The following UNC13C variants were observed in gnomAD, a reference collection of about 807,000 sequenced individuals.
UNC13C encodes the protein protein unc-13 homolog C.
UNC13C carries 174 observed loss-of-function variants against 245.4 expected under a neutral mutation model. The ratio of observed to expected loss-of-function variants is 0.71; its 90% CI spans 0.63 to 0.80. The LOEUF is 0.80. Ranked by LOEUF, UNC13C falls within the 30% of genes least tolerant of loss-of-function variation. The pLI is 0.00. For synonymous variants in UNC13C, 992 were observed against 895.1 expected (o/e 1.11, Z -1.93); for missense variants, 2,829 against 2,602.9 (o/e 1.09, Z -1.89).
intron 1 of UNC13C, among the ~76,000 whole-genome samples, chr15:54,002,925 G>A (rs1484093098): frequency 2.0e-5 from 3 of 152,176 alleles, no homozygotes; most frequent in African/African-American, 7.2e-5. Flanking sequence ...TAGTGAAGTC[G>A]GGGTAGGAGG....
intron 23 of UNC13C, 112 bp from the exon 24 acceptor site, chr15:54,511,641 C>A (rs1894744021): frequency 8.5e-6 from 6 of 704,426 alleles, no homozygotes; most frequent in Non-Finnish European, 1.2e-5. Flanking sequence ...GTATATACAT[C>A]TAATATAATA....
the UNC13C span, among the ~76,000 whole-genome samples, chr15:53,936,863 A>G: frequency 6.6e-6 from 1 of 152,168 alleles, no homozygotes; most frequent in Non-Finnish European, 1.5e-5. Context: ...AGTCCCCCCA[A>G]AAACCCATTC....
chr15:54,390,010 T>C (rs28736595), intron 17 of UNC13C, among the ~76,000 whole-genome samples: 74,058 of 151,942 alleles, frequency 0.49, 18,615 homozygotes, highest in East Asian at 0.72. Flanking sequence ...ATTACAGGCA[T>C]GAGCCACTGC....
chr15:54,040,053 C>G (rs966984382), intron 2 of UNC13C, among the ~76,000 whole-genome samples: 2 of 152,076 alleles, frequency 1.3e-5, no homozygotes, highest in African/African-American at 2.4e-5. Flanking sequence ...CCTTTACGCT[C>G]TTTCCTCATT....
chr15:54,359,139 C>T (rs918560483), intron 17 of UNC13C, among the ~76,000 whole-genome samples: 1 of 151,748 alleles, frequency 6.6e-6, no homozygotes, highest in African/African-American at 2.4e-5. Flanking sequence ...TATTGATTTG[C>T]ATGTGTTGAA....
chr15:54,426,045 T>A (rs2040752772), intron 19 of UNC13C, among the ~76,000 whole-genome samples: 1 of 151,678 alleles, frequency 6.6e-6, no homozygotes, highest in Non-Finnish European at 1.5e-5. Flanking sequence ...CTCTCCTGCC[T>A]CCCTCTTCCA....
chr15:54,508,266 A>G (rs1282553471), intron 23 of UNC13C, among the ~76,000 whole-genome samples: 1 of 152,072 alleles, frequency 6.6e-6, no homozygotes, highest in African/African-American at 2.4e-5. Flanking sequence ...TAATTTCACA[A>G]AAGGATCCTG....
At chr15:54,578,049 A>G (rs919058178) in intron 30 of UNC13C, among the ~76,000 whole-genome samples, 1 of 152,172 alleles carries the variant, frequency 6.6e-6, no homozygotes, top group Non-Finnish European at 1.5e-5. Context: ...GCAGGACATC[A>G]AAATCCCGAA....
intron 4 of UNC13C, among the ~76,000 whole-genome samples, chr15:54,210,176 T>C (rs1266354834): frequency 6.7e-6 from 1 of 149,972 alleles, no homozygotes; most frequent in Non-Finnish European, 1.5e-5. Context: ...TAAATATTTA[T>C]TATATTATGC....
intron 4 of UNC13C, among the ~76,000 whole-genome samples, chr15:54,203,764 A>ACACATG (rs2034609043): frequency 1.7e-5 from 2 of 116,360 alleles, no homozygotes; most frequent in Non-Finnish European, 4.0e-5. Context: ...ACACATATAT[A>ACACATG]TGTATATATA....
At chr15:54,055,223 T>C (rs1046198085) in intron 2 of UNC13C, among the ~76,000 whole-genome samples, 3 of 152,192 alleles carry the variant, frequency 2.0e-5, no homozygotes, top group African/African-American at 7.2e-5. Context: ...ATTTTTAGTA[T>C]GGAAAAATCA....
intron 13 of UNC13C, among the ~76,000 whole-genome samples, chr15:54,317,466 T>C (rs1283484088): frequency 6.6e-6 from 1 of 151,954 alleles, no homozygotes; most frequent in African/African-American, 2.4e-5. Flanking sequence ...TGCTTAACCA[T>C]CTCAAAGTAT....
At chr15:54,336,674 G>A (rs1239155712) in intron 16 of UNC13C, among the ~76,000 whole-genome samples, 1 of 151,824 alleles carries the variant, frequency 6.6e-6, no homozygotes, top group Non-Finnish European at 1.5e-5. Context: ...TGTGAATCAA[G>A]GATAACATTT....
intron 16 of UNC13C, among the ~76,000 whole-genome samples, chr15:54,335,066 G>C (rs976946918): frequency 6.6e-6 from 1 of 151,928 alleles, no homozygotes; most frequent in African/African-American, 2.4e-5. Flanking sequence ...GTACTTCCTT[G>C]TATGTGTCCA....
At chr15:54,194,482 G>T (rs1364671569) in intron 4 of UNC13C, among the ~76,000 whole-genome samples, 1 of 152,130 alleles carries the variant, frequency 6.6e-6, no homozygotes. Context: ...TTAAAAGACA[G>T]TGTTAAATGA....
chr15:54,252,019 G>T (rs934132207), intron 8 of UNC13C, among the ~76,000 whole-genome samples: 8 of 152,050 alleles, frequency 5.3e-5, no homozygotes, highest in Non-Finnish European at 1.0e-4. Flanking sequence ...AAGGAAGGGG[G>T]ATTGACTTGA....
At chr15:53,869,218 A>G in the UNC13C span, among the ~76,000 whole-genome samples, 1 of 152,206 alleles carries the variant, frequency 6.6e-6, no homozygotes, top group Non-Finnish European at 1.5e-5. Context: ...GCCCTGGGTG[A>G]CCTGCAGTTA....
chr15:54,600,062 C>T (rs1037410460), intron 30 of UNC13C, among the ~76,000 whole-genome samples: 2 of 152,066 alleles, frequency 1.3e-5, no homozygotes, highest in African/African-American at 4.8e-5. Flanking sequence ...TTATTAACCT[C>T]TTATATGACC....
At chr15:53,964,901 T>C in the UNC13C span, among the ~76,000 whole-genome samples, 9 of 152,180 alleles carry the variant, frequency 5.9e-5, no homozygotes, top group African/African-American at 1.9e-4. Context: ...GCCACAGTCA[T>C]ACATGTACAT....
Sources: allele counts gnomAD v4.1 joint callset (sites outside exome capture counted in the v4.1 genomes callset), GRCh38; gene constraint gnomAD v4.1.1; transcripts MANE v1.5; gene names NCBI Gene and HGNC (gene_info 2026-07-23, HGNC 2026-07-21).